The following GABBR2 variants were observed in gnomAD, a reference collection of about 807,000 sequenced individuals.
GABBR2 encodes G-protein coupled receptor 51.
Under a neutral mutation model 105.6 loss-of-function variants are expected in GABBR2, and 23 were observed. That is an observed-to-expected ratio of 0.22 (90% CI 0.16 to 0.31). The LOEUF (loss-of-function observed/expected upper bound fraction) is 0.31. Ranked by LOEUF, GABBR2 falls within the 10% of genes least tolerant of loss-of-function variation. The pLI is 1.00. For missense variants in GABBR2, 734 were observed against 1,245.5 expected (o/e 0.59, Z 6.18); for synonymous variants, 478 against 499.7 (o/e 0.96, Z 0.58).
intron 1 of GABBR2, among the ~76,000 whole-genome samples, chr9:98,701,920 G>A (rs549158781): frequency 4.6e-5 from 7 of 152,244 alleles, no homozygotes; most frequent in East Asian, 1.9e-4. Context: ...CAGATTGTAC[G>A]GAAATAATAA....
intron 1 of GABBR2, among the ~76,000 whole-genome samples, chr9:98,697,218 G>A (rs1284431582): frequency 1.3e-5 from 2 of 152,284 alleles, no homozygotes; most frequent in Admixed American, 6.5e-5. Context: ...ACCGCCGGGC[G>A]CGGTGGCTTA....
intron 3 of GABBR2, among the ~76,000 whole-genome samples, chr9:98,511,799 T>C (rs1048892688): frequency 1.4e-4 from 21 of 152,140 alleles, no homozygotes; most frequent in African/African-American, 4.1e-4. Flanking sequence ...CAGGACCAGA[T>C]GGATTCACAG....
chr9:98,516,336 G>GC (rs1337957322), intron 3 of GABBR2: 1 of 152,146 alleles, frequency 6.6e-6, no homozygotes, highest in Non-Finnish European at 1.5e-5. Flanking sequence ...ACACTCTCAG[G>GC]CCCACTCCTC....
At chr9:98,298,878 G>A (rs535402778) in intron 17 of GABBR2, among the ~76,000 whole-genome samples, 4 of 152,248 alleles carry the variant, frequency 2.6e-5, no homozygotes, top group East Asian at 1.9e-4. Flanking sequence ...GTGAAATATC[G>A]TTCAGAGAAG....
rs751416779 is a variant in GABBR2 at position 98,496,429 on chromosome 9, C to T, written c.716G>A (p.Ser239Asn). The stretch of plus-strand genomic sequence containing the variant: ...CACACCTACCTTCAGCTTTTTGACA[C>T]TGGTACAGGGATCGTTGGAGAAGCT... Reference protein sequence around the residue: ...TESFSNDPCTSVKKLKGNDVR... With the variant: ...TESFSNDPCTNVKKLKGNDVR... Residue 239 changes from serine (S) to asparagine (N), a missense_variant, in exon 4 of 19, where the codon AGT becomes AAT. By Grantham distance (46) the Ser-to-Asn change is conservative (BLOSUM62 1). Coordinates refer to ENST00000259455, the MANE Select transcript of GABBR2 (RefSeq NM_005458.8). 4 of 1,609,856 alleles carry T rather than the reference C, an allele frequency of 2.5e-6. No homozygotes were observed. Among genetic ancestry groups the T allele is most frequent in the Middle Eastern group, 1.7e-4 (1 of 6,058 alleles).
chr9:98,653,740 CACAT>C (rs1349362530), intron 1 of GABBR2, among the ~76,000 whole-genome samples: 3 of 152,074 alleles, frequency 2.0e-5, no homozygotes, highest in East Asian at 1.9e-4. Flanking sequence ...CACACACACA[CACAT>C]ATGCACACCC....
rs57747633 is a variant in GABBR2 at position 98,465,121 on chromosome 9, T to TAAAAAAAAAAAAAAAAAAAAAAAAA, written c.999+8000_999+8024dup. Reference sequence around the variant, plus strand: ...ACACCCAAGAATGATCAATAAATACTAAAAAAAAAAAAAAAAAAAAAAAAA... The same window carrying TAAAAAAAAAAAAAAAAAAAAAAAAA: ...ACACCCAAGAATGATCAATAAATACTAAAAAAAAAAAAAAAAAAAAAAAAAAAAAAAAAAAAAAAAAAAAAAAAAA... On this transcript the variant is annotated intron_variant, in intron 6 of 18. Transcript: ENST00000259455. Among the ~76,000 whole-genome samples the TAAAAAAAAAAAAAAAAAAAAAAAAA allele has an allele frequency of 3.6e-4, 8 of 22,000 alleles. 2 individuals carry two copies. Among genetic ancestry groups the TAAAAAAAAAAAAAAAAAAAAAAAAA allele is most frequent in the Admixed American group, 7.4e-4 (1 of 1,356 alleles). 14.4% of individuals were successfully genotyped at this position (22,000 alleles called of 152,430 possible).
chr9:98,290,651 C>A lies in GABBR2; in HGVS notation c.2759G>T (p.Ser920Ile). 1 of 1,458,968 alleles carries A rather than the reference C, an allele frequency of 6.9e-7. No homozygotes were observed. 90.4% of individuals were successfully genotyped at this position (1,458,968 alleles called of 1,614,324 possible). The part of the protein sequence containing the change: ...VDASCVSPCV[S>I]PTASPRHRHV... The stretch of plus-strand genomic sequence containing the variant: ...TCTGTGGCGGGGGCTGGCGGTGGGG[C>A]TGACGCAGGGGCTGACACAGCTGGC... The change falls in exon 19 of 19, where the codon AGC becomes ATC. Residue 920 changes from serine (S) to isoleucine (I), a missense_variant. Physicochemically the swap from Ser to Ile is moderately radical, Grantham distance 142. Transcript: ENST00000259455.
chr9:98,401,816 C>T (rs947111795), intron 8 of GABBR2, among the ~76,000 whole-genome samples: 4 of 152,176 alleles, frequency 2.6e-5, no homozygotes, highest in African/African-American at 7.2e-5. Flanking sequence ...CACTGGCATT[C>T]GGCCAGAGAG....
chr9:98,472,156 AATTTAACTTCTGAAC>A (rs1286241282), intron 6 of GABBR2, among the ~76,000 whole-genome samples: 1 of 152,192 alleles, frequency 6.6e-6, no homozygotes, highest in Non-Finnish European at 1.5e-5. Flanking sequence ...TTGAGTGAAT[AATTTAACTTCTGAAC>A]TCAGAAAAGA....
intron 8 of GABBR2, among the ~76,000 whole-genome samples, chr9:98,400,007 A>G (rs992147082): frequency 1.5e-5 from 2 of 132,112 alleles, no homozygotes; most frequent in Non-Finnish European, 3.1e-5. Context: ...CGAGACTCCC[A>G]CCTCCATGAA....
rs183050204 is a variant in GABBR2 at position 98,333,443 on chromosome 9, G to C, written c.1894-22238C>G. ...CCGTTGGGCTGTGCTCCTTCTGAAGGCTCAAGAGAAGAATCCTGCCATGTC... is the reference window on the plus strand; with the variant it reads ...CCGTTGGGCTGTGCTCCTTCTGAAGCCTCAAGAGAAGAATCCTGCCATGTC... On this transcript the variant is annotated intron_variant, in intron 13 of 18. Transcript: ENST00000259455. Among the ~76,000 whole-genome samples, 156 of 152,222 alleles carry C rather than the reference G, an allele frequency of 1.0e-3. 1 individual carries two copies. The highest frequency in any genetic ancestry group is 3.6e-3 in the African/African-American group (151 of 41,532).
chr9:98,384,408 T>C (rs1207548482), intron 11 of GABBR2, among the ~76,000 whole-genome samples: 2 of 152,102 alleles, frequency 1.3e-5, no homozygotes, highest in African/African-American at 4.8e-5. Context: ...CTGACCAACA[T>C]GGAGAAACCC....
At chr9:98,691,175 T>C (rs1830677201) in intron 1 of GABBR2, among the ~76,000 whole-genome samples, 1 of 152,220 alleles carries the variant, frequency 6.6e-6, no homozygotes, top group African/African-American at 2.4e-5. Flanking sequence ...ATCTAAGTGA[T>C]GTCAAACAAG....
chr9:98,541,798 C>A (rs752282229), intron 3 of GABBR2, 75 bp downstream of exon 3: 140 of 1,417,286 alleles, frequency 9.9e-5, no homozygotes, highest in Non-Finnish European at 1.3e-4. Context: ...CCATCCCTGA[C>A]TAAACCACAT....
intron 1 of GABBR2, among the ~76,000 whole-genome samples, chr9:98,627,639 C>T (rs900790038): frequency 2.0e-5 from 3 of 152,252 alleles, no homozygotes; most frequent in African/African-American, 7.2e-5. Context: ...AGTGTCCACA[C>T]AGGGCAGGTG....
chr9:98,290,734 C>A lies in GABBR2; in HGVS notation c.2676G>T (p.Leu892=), dbSNP rs1830290581. The A allele has an allele frequency of 1.3e-6, 2 of 1,487,450 alleles. No homozygotes were observed. The highest frequency in any genetic ancestry group is 5.5e-5 in the East Asian group (2 of 36,474). 92.1% of individuals were successfully genotyped at this position (1,487,450 alleles called of 1,614,324 possible). ...GGTGGAGGATGGGGAGCTGGAGGGA[C>A]AGCCGACGCTGGATGCTGAAGAGAA... ...INSPEHIQRR[L]SLQLPILHHA... Residue 892 remains leucine (L), a synonymous_variant, in exon 19 of 19, where the codon CTG becomes CTT. Coordinates refer to ENST00000259455, the MANE Select transcript of GABBR2 (RefSeq NM_005458.8).
chr9:98,430,421 C>T (rs1825786476), intron 7 of GABBR2, among the ~76,000 whole-genome samples: 1 of 152,052 alleles, frequency 6.6e-6, no homozygotes, highest in Non-Finnish European at 1.5e-5. Context: ...CCAGAGCTGC[C>T]TTTAGTCTAG....
At chr9:98,356,965 T>C (rs980219856) in intron 13 of GABBR2, among the ~76,000 whole-genome samples, 15 of 152,362 alleles carry the variant, frequency 9.8e-5, no homozygotes, top group African/African-American at 3.6e-4. Context: ...AAAGGCTACA[T>C]ACTCTGTGAT....
Sources: allele counts gnomAD v4.1 joint callset (sites outside exome capture counted in the v4.1 genomes callset), GRCh38; gene constraint gnomAD v4.1.1; transcripts MANE v1.5; gene names NCBI Gene and HGNC (gene_info 2026-07-23, HGNC 2026-07-21).